The following PCDHGA10 variants were observed in gnomAD, a reference collection of about 807,000 sequenced individuals.
The protein encoded by PCDHGA10 is protocadherin gamma subfamily A, 10.
In PCDHGA10, 42 loss-of-function variants were observed where a neutral mutation model predicts 59.5. That is an observed-to-expected ratio of 0.71 (90% CI 0.55 to 0.91). The LOEUF (loss-of-function observed/expected upper bound fraction) is 0.91, where lower values mean the gene tolerates loss of function less well. Among genes scored for constraint, PCDHGA10 ranks in the 40% least tolerant of loss-of-function variants. PCDHGA10 has a pLI of 0.00. For synonymous variants in PCDHGA10, 511 were observed against 517.2 expected (o/e 0.99, Z 0.16); for missense variants, 1,111 against 1,198.2 (o/e 0.93, Z 1.07).
intron 1 of PCDHGA10, chr5:141,427,831 G>T: frequency 7.1e-6 from 11 of 1,539,366 alleles, no homozygotes; most frequent in Non-Finnish European, 9.8e-6. Context: ...GTCGCGCAGC[G>T]TGCCTTCGAC....
At chr5:141,418,512 G>C (rs776986277) in intron 1 of PCDHGA10, 1 of 1,613,966 alleles carries the variant, frequency 6.2e-7, no homozygotes, top group Non-Finnish European at 8.5e-7. Context: ...TTAGATGGTG[G>C]GGACCCTCCC....
intron 1 of PCDHGA10, among the ~76,000 whole-genome samples, chr5:141,451,106 G>A (rs1204327490): frequency 1.3e-5 from 2 of 152,164 alleles, no homozygotes; most frequent in African/African-American, 4.8e-5. Context: ...GGGATTACAG[G>A]CGTGAGCCAC....
chr5:141,463,532 T>C (rs1237301892), intron 1 of PCDHGA10, among the ~76,000 whole-genome samples: 2 of 133,692 alleles, frequency 1.5e-5, no homozygotes, highest in Non-Finnish European at 3.1e-5. Flanking sequence ...TACTAGAAAC[T>C]CCGGCTCCCG....
intron 1 of PCDHGA10, chr5:141,420,083 A>C (rs2096465782): frequency 2.5e-6 from 4 of 1,614,020 alleles, no homozygotes; most frequent in Non-Finnish European, 3.4e-6. Context: ...GGGTCCCCCC[A>C]ACTACAGTGA....
rs749221752 is a variant in PCDHGA10 at position 141,432,670 on chromosome 5, G to T, written c.2436+17059G>T. ...CGCGAGCCCTGCTGGACAGAGACGCGCTCAAGCAGAGCCTCGTAGTGGCCG... is the reference window on the plus strand; with the variant it reads ...CGCGAGCCCTGCTGGACAGAGACGCTCTCAAGCAGAGCCTCGTAGTGGCCG... On this transcript the variant is annotated intron_variant, in intron 1 of 3. Coordinates refer to ENST00000398610, the MANE Select transcript of PCDHGA10 (RefSeq NM_018913.3). This position sits in a 1 kb window ranked among gnomAD's most constrained non-coding sequence, Gnocchi z 6.0. 7 of 1,613,750 alleles carry T rather than the reference G, an allele frequency of 4.3e-6. No homozygotes were observed. The African/African-American group carries it at 5.3e-5, about 12-fold the overall frequency.
At chr5:141,450,006 C>CTTTTTT (rs1554136305) in intron 1 of PCDHGA10, among the ~76,000 whole-genome samples, 15 of 132,950 alleles carry the variant, frequency 1.1e-4, no homozygotes, top group African/African-American at 2.0e-4. Context: ...TGCCATGTCT[C>CTTTTTT]TTTTTTTTTT....
rs374095590 is a variant in PCDHGA10, at chr5:141,431,523, T to C, written c.2436+15912T>C. On this transcript the variant is annotated intron_variant, in intron 1 of 3. Coordinates refer to ENST00000398610, the MANE Select transcript of PCDHGA10 (RefSeq NM_018913.3). This position sits in a 1 kb window ranked among gnomAD's most constrained non-coding sequence, Gnocchi z 4.8. ...TACCGCGCGAGCGTTCCGGAGAATC[T>C]GGCCTTGGGCACGCAGCTGCTTGTA... 13 of 1,613,952 alleles carry C rather than the reference T, an allele frequency of 8.1e-6. No homozygotes were observed. The African/African-American group carries it at 1.5e-4, about 18-fold the overall frequency.
chr5:141,474,325 C>A (rs540113771), intron 1 of PCDHGA10, among the ~76,000 whole-genome samples: 1 of 152,256 alleles, frequency 6.6e-6, no homozygotes, highest in Admixed American at 6.5e-5. Context: ...TTTCAAATCA[C>A]CCTGATGTTT....
At position 141,415,311 on chromosome 5, in the gene PCDHGA10, C is replaced by T; in HGVS notation, c.2136C>T (p.Val712=). The change falls in exon 1 of 4, where the codon GTC becomes GTT. Residue 712 remains valine, a synonymous_variant. Coordinates refer to ENST00000398610, the MANE Select transcript of PCDHGA10 (RefSeq NM_018913.3). ...AAVSCVFLAF[V]IVLLAHRLRR... ...TCTCCTGCGTCTTCCTGGCCTTCGT[C>T]ATCGTGCTGCTGGCGCACAGGCTGC... 1.2e-6 allele frequency: 2 copies of T among 1,614,242 alleles called. No individual in the cohort carries two copies. The highest frequency in any genetic ancestry group is 1.7e-6 in the Non-Finnish European group (2 of 1,180,044).
chr5:141,430,369 A>G (rs564811230), intron 1 of PCDHGA10, among the ~76,000 whole-genome samples: 1 of 151,582 alleles, frequency 6.6e-6, no homozygotes, highest in East Asian at 1.9e-4. Flanking sequence ...ATTGGGGAAA[A>G]AAAAGCTCAT....
chr5:141,477,565 C>T lies in PCDHGA10; in HGVS notation c.2437-17242C>T, dbSNP rs1168703868. 3.1e-6 allele frequency: 5 copies of T among 1,614,146 alleles called. No homozygotes were observed. The highest frequency in any genetic ancestry group is 4.2e-6 in the Non-Finnish European group (5 of 1,180,030). On this transcript the variant is annotated intron_variant, in intron 1 of 3. Transcript: ENST00000398610. The surrounding 1 kb of genome is among the most constrained non-coding windows in gnomAD (Gnocchi z 4.9). ...CAATACTAAACCTAAGTGTCTGGGA[C>T]CCCGACGCCCCGCAGAATGCTCGGC... is the stretch of plus-strand genomic sequence containing the variant.
chr5:141,447,226 G>A (rs746777844), intron 1 of PCDHGA10, among the ~76,000 whole-genome samples: 1 of 151,910 alleles, frequency 6.6e-6, no homozygotes, highest in Non-Finnish European at 1.5e-5. Context: ...TGCAACCTCC[G>A]CCTCCCGGGT....
chr5:141,415,819 TA>T, intron 1 of PCDHGA10: 2 of 1,328,322 alleles, frequency 1.5e-6, no homozygotes, highest in African/African-American at 1.5e-5. Context: ...CTATATATCA[TA>T]AGGCTTTGTT....
In PCDHGA10 at chr5:141,415,357, C is replaced by T; in HGVS notation, c.2182C>T (p.Leu728=). The T allele has an allele frequency of 6.2e-7, 1 of 1,614,250 alleles. No individual in the cohort carries two copies. Among genetic ancestry groups the T allele is most frequent in the Non-Finnish European group, 8.5e-7 (1 of 1,180,052 alleles). ...HRLRRWHKSR[L]LQASGGGLTG... ...GCTGCGGCGCTGGCACAAGTCACGC[C>T]TGCTGCAGGCTTCAGGAGGCGGCTT... Residue 728 remains leucine, a synonymous_variant, in exon 1 of 4, where the codon CTG becomes TTG. Coordinates refer to ENST00000398610, the MANE Select transcript of PCDHGA10 (RefSeq NM_018913.3).
At chr5:141,425,069 A>C (rs771114613) in intron 1 of PCDHGA10, among the ~76,000 whole-genome samples, 30 of 152,170 alleles carry the variant, frequency 2.0e-4, no homozygotes, top group Non-Finnish European at 4.1e-4. Context: ...GACAAAAATA[A>C]TTTCAACTGT....
chr5:141,450,264 C>T (rs1395960399), intron 1 of PCDHGA10, among the ~76,000 whole-genome samples: 1 of 152,112 alleles, frequency 6.6e-6, no homozygotes, highest in Non-Finnish European at 1.5e-5. Flanking sequence ...GTGATCTGCC[C>T]ACCTCAGCTA....
chr5:141,487,593 C>G lies in PCDHGA10; in HGVS notation c.2437-7214C>G. The G allele has an allele frequency of 6.2e-7, 1 of 1,614,206 alleles. No homozygotes were observed. Among genetic ancestry groups the G allele is most frequent in the African/African-American group, 1.3e-5 (1 of 75,062 alleles). On this transcript the variant is annotated intron_variant, in intron 1 of 3. Coordinates refer to ENST00000398610, the MANE Select transcript of PCDHGA10 (RefSeq NM_018913.3). This position sits in a 1 kb window ranked among gnomAD's most constrained non-coding sequence, Gnocchi z 5.0. ...CCTGTTCGCCCAAGCTGCCCACCCT[C>G]TGATCTTCTCTATGGGCTAGAGGTG...
At chr5:141,481,472 A>G (rs2099538174) in intron 1 of PCDHGA10, among the ~76,000 whole-genome samples, 1 of 152,246 alleles carries the variant, frequency 6.6e-6, no homozygotes, top group Non-Finnish European at 1.5e-5. Context: ...CCATTGGATT[A>G]TACACTTTAA....
chr5:141,423,006 T>A, intron 1 of PCDHGA10: 2 of 1,614,198 alleles, frequency 1.2e-6, no homozygotes, highest in Non-Finnish European at 1.7e-6. Context: ...CCAAGGTGGT[T>A]GCGGTGGACA....
Sources: allele counts gnomAD v4.1 joint callset (sites outside exome capture counted in the v4.1 genomes callset), GRCh38; gene constraint gnomAD v4.1.1; non-coding constraint Gnocchi (gnomAD v3.1); transcripts MANE v1.5; gene names NCBI Gene and HGNC (gene_info 2026-07-23, HGNC 2026-07-21).